The following SHANK2 variants were observed in gnomAD, a reference collection of about 807,000 sequenced individuals.
The protein encoded by SHANK2 is SH3 and multiple ankyrin repeat domains 2.
SHANK2 carries 43 observed loss-of-function variants against 133.7 expected under a neutral mutation model. That is an observed-to-expected ratio of 0.32 (90% CI 0.25 to 0.41). SHANK2 has a LOEUF of 0.41. SHANK2 is among the 10% of genes least tolerant of loss of function. The pLI is 1.00. For synonymous variants in SHANK2, 1,017 were observed against 952.8 expected, an observed-to-expected ratio of 1.07 and a Z score of -1.24; for missense variants, 1,994 against 2,235.8, an observed-to-expected ratio of 0.89 and a Z score of 2.18.
At chr11:70,666,631 A>G (rs1555014876) in intron 15 of SHANK2, among the ~76,000 whole-genome samples, 2 of 151,794 alleles carry the variant, frequency 1.3e-5, no homozygotes, top group Non-Finnish European at 2.9e-5. Flanking sequence ...CAGCAGACCC[A>G]CTCTCCACAT....
At chr11:70,933,195 C>T (rs1443601560) in intron 10 of SHANK2, 12 of 456,502 alleles carry the variant, frequency 2.6e-5, no homozygotes, top group African/African-American at 1.8e-4. Context: ...GAAAAAGCAA[C>T]GAGATTCTGA....
intron 8 of SHANK2, among the ~76,000 whole-genome samples, 162 bp from the exon 9 acceptor site, chr11:71,075,437 A>G (rs1054259565): frequency 2.1e-4 from 32 of 152,266 alleles, no homozygotes; most frequent in Admixed American, 4.6e-4. Context: ...CAAGCGCTCT[A>G]AAGACATCAG....
At chr11:71,250,856 C>T (rs538971662) in intron 1 of SHANK2, among the ~76,000 whole-genome samples, 2 of 152,302 alleles carry the variant, frequency 1.3e-5, no homozygotes, top group African/African-American at 2.4e-5. Context: ...GAGATCAAAT[C>T]GCCCTCCCCC....
chr11:70,643,816 A>G (rs755547413), intron 17 of SHANK2, among the ~76,000 whole-genome samples: 1 of 152,078 alleles, frequency 6.6e-6, no homozygotes, highest in Non-Finnish European at 1.5e-5. Flanking sequence ...TTATGGTCCC[A>G]TGGGGGAAGA....
intron 9 of SHANK2, among the ~76,000 whole-genome samples, chr11:71,071,742 G>A (rs1238359351): frequency 1.3e-5 from 2 of 152,312 alleles, no homozygotes; most frequent in Admixed American, 1.3e-4. Flanking sequence ...AGGGGCCTGG[G>A]CTGGTGAGGA....
chr11:71,125,989 G>A (rs1164642393), intron 3 of SHANK2, among the ~76,000 whole-genome samples: 2 of 152,100 alleles, frequency 1.3e-5, no homozygotes, highest in African/African-American at 4.8e-5. Context: ...GGAGGCCAAG[G>A]TGGGCGGATC....
At chr11:70,706,626 C>T (rs574652072) in intron 14 of SHANK2, among the ~76,000 whole-genome samples, 5 of 151,992 alleles carry the variant, frequency 3.3e-5, no homozygotes, top group African/African-American at 4.8e-5. Flanking sequence ...GGGTGTAAGG[C>T]GACTCACCCC....
intron 17 of SHANK2, among the ~76,000 whole-genome samples, chr11:70,532,504 C>T (rs369336742): frequency 6.6e-6 from 1 of 152,122 alleles, no homozygotes; most frequent in African/African-American, 2.4e-5. Flanking sequence ...CGTGCATTTT[C>T]CTAGAGGGAG....
At chr11:70,661,703 C>A in intron 15 of SHANK2, 25 bp from the exon 16 acceptor site, 2 of 1,614,088 alleles carry the variant, frequency 1.2e-6, no homozygotes, top group South Asian at 1.1e-5. Context: ...CCGGGGACAG[C>A]GACCATTATT....
chr11:70,892,566 G>T (rs1471656392), intron 11 of SHANK2, among the ~76,000 whole-genome samples: 1 of 152,230 alleles, frequency 6.6e-6, no homozygotes, highest in Non-Finnish European at 1.5e-5. Context: ...TGAAAGGACA[G>T]GTTCTCAAGG....
intron 17 of SHANK2, among the ~76,000 whole-genome samples, chr11:70,637,198 T>TA (rs2061114425): frequency 6.6e-6 from 1 of 152,112 alleles, no homozygotes; most frequent in Non-Finnish European, 1.5e-5. Flanking sequence ...AGCCTCCAGT[T>TA]ATGGAGCCTG....
chr11:71,129,491 A>T (rs1555103334), intron 3 of SHANK2, among the ~76,000 whole-genome samples: 1 of 152,196 alleles, frequency 6.6e-6, no homozygotes, highest in Non-Finnish European at 1.5e-5. Context: ...GAAAATTTTT[A>T]AAAATTAGCC....
chr11:71,096,314 G>C (rs1301823972), intron 6 of SHANK2, among the ~76,000 whole-genome samples: 17 of 152,344 alleles, frequency 1.1e-4, no homozygotes, highest in Non-Finnish European at 2.4e-4. Flanking sequence ...TACAAGGCAA[G>C]GAAGGCTCAG....
At chr11:70,575,889 T>G (rs774535893) in intron 17 of SHANK2, among the ~76,000 whole-genome samples, 3 of 151,750 alleles carry the variant, frequency 2.0e-5, no homozygotes, top group Non-Finnish European at 2.9e-5. Flanking sequence ...GGGGCCCTGG[T>G]AGGTTTTAAT....
intron 14 of SHANK2, among the ~76,000 whole-genome samples, chr11:70,703,588 C>A (rs1461189785): frequency 6.6e-6 from 1 of 152,132 alleles, no homozygotes; most frequent in Non-Finnish European, 1.5e-5. Flanking sequence ...CTTCCCAAGG[C>A]TCCCTGGATC....
At chr11:70,568,666 C>T (rs1227017403) in intron 17 of SHANK2, among the ~76,000 whole-genome samples, 1 of 145,010 alleles carries the variant, frequency 6.9e-6, no homozygotes, top group Admixed American at 6.8e-5. Context: ...CCCACTTCCT[C>T]CCGGCCGGGA....
At chr11:71,206,715 C>G (rs1954133619) in intron 2 of SHANK2, among the ~76,000 whole-genome samples, 1 of 152,156 alleles carries the variant, frequency 6.6e-6, no homozygotes, top group African/African-American at 2.4e-5. Context: ...GCAGGAGGGT[C>G]ACTCGAGGCC....
At chr11:71,207,527 C>T (rs1387791041) in intron 2 of SHANK2, among the ~76,000 whole-genome samples, 2 of 152,202 alleles carry the variant, frequency 1.3e-5, no homozygotes, top group African/African-American at 4.8e-5. Context: ...AAGCCTCCTA[C>T]ATTAGGTTTG....
chr11:70,682,576 C>G (rs1430413349), intron 15 of SHANK2, among the ~76,000 whole-genome samples: 1 of 152,228 alleles, frequency 6.6e-6, no homozygotes, highest in Non-Finnish European at 1.5e-5. Context: ...TTCTATATTT[C>G]TGCATTCTTT....
Sources: gnomAD v4.1 joint callset for allele counts (sites outside exome capture counted in the v4.1 genomes callset) on GRCh38, gnomAD v4.1.1 for gene constraint, MANE v1.5 for transcripts, NCBI Gene and HGNC (gene_info 2026-07-23, HGNC 2026-07-21) for gene names.